FGF12: variants seen among roughly 807,000 people sequenced by gnomAD.
FGF12 encodes the protein fibroblast growth factor 12, also known as fibroblast growth factor 12B.
A neutral mutation model predicts 23.6 loss-of-function variants in FGF12; 14 were observed. The observed-to-expected ratio is 0.59, with a 90% CI of 0.39 to 0.93. The LOEUF is 0.93. FGF12 is among the 40% of genes least tolerant of loss of function. The probability of loss-of-function intolerance (pLI) is 0.00; values close to 1 mark genes in which losing one functional copy is unlikely to be tolerated. For missense variants in FGF12, 175 were observed against 217.8 expected (o/e 0.80, Z 1.24); for synonymous variants, 62 against 77.3 (o/e 0.80, Z 1.04).
At position 192,686,619 on chromosome 3, in the gene FGF12, A is replaced by T. The variant is rs114514877; in HGVS notation, c.13+40562T>A. On this transcript the variant is annotated intron_variant, in intron 2 of 5. Coordinates refer to ENST00000445105, the MANE Select transcript of FGF12 (RefSeq NM_004113.6). ...CCTTGACTCAGGTATTTTTTCAATA[A>T]GAAAAACAGAAGTTATTTGGAGATC... Among the ~76,000 whole-genome samples, 1,052 of 152,152 alleles carry T rather than the reference A, an allele frequency of 6.9e-3. 11 individuals carry two copies. Among genetic ancestry groups the T allele is most frequent in the African/African-American group, 0.024 (994 of 41,510 alleles).
intron 4 of FGF12, among the ~76,000 whole-genome samples, chr3:192,225,290 T>C (rs1381856918): frequency 6.6e-6 from 1 of 152,132 alleles, no homozygotes; most frequent in African/African-American, 2.4e-5. Context: ...ATATTTTGCA[T>C]ATTTCTCCTC....
intron 2 of FGF12, among the ~76,000 whole-genome samples, chr3:192,407,541 T>G (rs1479142866): frequency 1.3e-5 from 2 of 152,180 alleles, no homozygotes; most frequent in Non-Finnish European, 2.9e-5. Flanking sequence ...TAAGTTCATC[T>G]GGTGTCTACT....
intron 2 of FGF12, among the ~76,000 whole-genome samples, chr3:192,595,922 G>A (rs142609667): frequency 0.014 from 2,141 of 151,916 alleles, 28 homozygotes; most frequent in South Asian, 0.044. Context: ...GTGAAACCCT[G>A]TTTCTACCAA....
At chr3:192,180,702 T>C (rs1450702402) in intron 4 of FGF12, among the ~76,000 whole-genome samples, 1 of 152,224 alleles carries the variant, frequency 6.6e-6, no homozygotes, top group East Asian at 1.9e-4. Flanking sequence ...TTAAAACTTC[T>C]GTATCAACTC....
chr3:192,283,920 CCTT>C (rs1292760565), intron 4 of FGF12, among the ~76,000 whole-genome samples: 1 of 152,046 alleles, frequency 6.6e-6, no homozygotes, highest in Non-Finnish European at 1.5e-5. Flanking sequence ...CTGAAATTCT[CCTT>C]CTTTCCTGCT....
chr3:192,532,236 C>G (rs546202695), intron 2 of FGF12, among the ~76,000 whole-genome samples: 1 of 152,002 alleles, frequency 6.6e-6, no homozygotes, highest in East Asian at 1.9e-4. Flanking sequence ...TGTGTGGGCT[C>G]TTTTTTGGTT....
At chr3:192,709,313 T>C (rs1208882754) in intron 2 of FGF12, among the ~76,000 whole-genome samples, 1 of 152,190 alleles carries the variant, frequency 6.6e-6, no homozygotes, top group Non-Finnish European at 1.5e-5. Flanking sequence ...ATTCTCTCTT[T>C]ATGGCATTAC....
intron 2 of FGF12, among the ~76,000 whole-genome samples, chr3:192,451,433 C>G (rs913912893): frequency 1.3e-5 from 2 of 152,182 alleles, no homozygotes; most frequent in African/African-American, 4.8e-5. Context: ...AAAAGGCTTG[C>G]TATGGCCAAA....
Position 192,579,707 on chromosome 3 carries a change from C to T in FGF12, c.13+147474G>A, listed in dbSNP as rs372635370. On this transcript the variant is annotated intron_variant, in intron 2 of 5. Transcript: ENST00000445105. ...GCCTCAGCCTCCCGAGTAGCTGGGACTACAGGTGTGTGCCACCACACCCAG... is the reference window on the plus strand; with the variant it reads ...GCCTCAGCCTCCCGAGTAGCTGGGATTACAGGTGTGTGCCACCACACCCAG... Among the ~76,000 whole-genome samples the T allele has an allele frequency of 7.9e-5, 12 of 152,096 alleles. 1 individual carries two copies. The East Asian group carries it at 9.6e-4, about 12-fold the overall frequency.
At chr3:192,721,772 AG>A (rs745648755) in intron 2 of FGF12, among the ~76,000 whole-genome samples, 5 of 152,158 alleles carry the variant, frequency 3.3e-5, no homozygotes, top group Non-Finnish European at 7.4e-5. Context: ...TAGCTTTTAT[AG>A]TAGATACATA....
intron 2 of FGF12, among the ~76,000 whole-genome samples, chr3:192,457,828 T>C (rs1159609528): frequency 1.3e-5 from 2 of 152,088 alleles, no homozygotes; most frequent in Non-Finnish European, 2.9e-5. Context: ...CCAGGCCACG[T>C]CACAGATCTT....
intron 4 of FGF12, among the ~76,000 whole-genome samples, chr3:192,325,366 C>A (rs1716764373): frequency 6.6e-6 from 1 of 152,106 alleles, no homozygotes; most frequent in Admixed American, 6.6e-5. Context: ...ATGATCTAAA[C>A]TGAATATTTA....
chr3:192,202,062 T>G (rs950193633), intron 4 of FGF12, among the ~76,000 whole-genome samples: 2 of 152,190 alleles, frequency 1.3e-5, no homozygotes, highest in Non-Finnish European at 2.9e-5. Flanking sequence ...ATTTTTCCAT[T>G]TATCTCATTC....
intron 2 of FGF12, among the ~76,000 whole-genome samples, chr3:192,624,054 G>A (rs941921675): frequency 6.6e-6 from 1 of 152,194 alleles, no homozygotes; most frequent in Non-Finnish European, 1.5e-5. Context: ...ATGACATTAT[G>A]AGGCTCCGTG....
At chr3:192,530,123 T>A (rs527948746) in intron 2 of FGF12, among the ~76,000 whole-genome samples, 3 of 152,022 alleles carry the variant, frequency 2.0e-5, no homozygotes, top group Non-Finnish European at 4.4e-5. Context: ...TCTCTCTCCA[T>A]CCTGTTTTTT....
At chr3:192,415,270 G>A (rs540368568) in intron 2 of FGF12, among the ~76,000 whole-genome samples, 1 of 152,136 alleles carries the variant, frequency 6.6e-6, no homozygotes, top group South Asian at 2.1e-4. Context: ...TAACCCAGTG[G>A]CACCTTTTCC....
chr3:192,234,447 G>T (rs1210613672), intron 4 of FGF12, among the ~76,000 whole-genome samples: 2 of 152,188 alleles, frequency 1.3e-5, no homozygotes, highest in African/African-American at 4.8e-5. Context: ...TGGAGACTAT[G>T]AGGTTTTCTA....
intron 5 of FGF12, among the ~76,000 whole-genome samples, chr3:192,165,009 T>C (rs1317862025): frequency 6.6e-6 from 1 of 152,108 alleles, no homozygotes; most frequent in Admixed American, 6.6e-5. Flanking sequence ...TGGAGTGTAG[T>C]GGTGCAATCT....
chr3:192,225,808 A>T (rs964379310), intron 4 of FGF12, among the ~76,000 whole-genome samples: 2 of 152,208 alleles, frequency 1.3e-5, no homozygotes, highest in African/African-American at 4.8e-5. Flanking sequence ...ATGTTATAAC[A>T]TGGATGAACC....
Sources: allele counts gnomAD v4.1 joint callset (sites outside exome capture counted in the v4.1 genomes callset), GRCh38; gene constraint gnomAD v4.1.1; transcripts MANE v1.5; gene names NCBI Gene and HGNC (gene_info 2026-07-23, HGNC 2026-07-21).